The following INPP4A variants were observed in gnomAD, a reference collection of about 807,000 sequenced individuals.
INPP4A encodes inositol polyphosphate-4-phosphatase, type I, 107kD.
A neutral mutation model predicts 119.8 loss-of-function variants in INPP4A; 33 were observed. The ratio of observed to expected loss-of-function variants is 0.28; its 90% confidence interval spans 0.21 to 0.37. The LOEUF (loss-of-function observed/expected upper bound fraction) is 0.37, where lower values mean the gene tolerates loss of function less well. INPP4A is among the 10% of genes least tolerant of loss of function. INPP4A has a pLI of 1.00. For synonymous variants in INPP4A, 496 were observed against 500.7 expected (o/e 0.99, Z 0.12); for missense variants, 956 against 1,289.9 (o/e 0.74, Z 3.97).
At chr2:98,540,038 TCTC>T (rs1691119428) in intron 10 of INPP4A, among the ~76,000 whole-genome samples, 1 of 152,112 alleles carries the variant, frequency 6.6e-6, no homozygotes, top group African/African-American at 2.4e-5. Context: ...TTCAAGTAAT[TCTC>T]CTGCCTCAGC....
rs749971636 is a variant in INPP4A at position 98,588,792 on chromosome 2, G to A, written c.*1184G>A. On this transcript the variant is annotated 3_prime_UTR_variant, in exon 25 of 25. Transcript: ENST00000409851. ...ACATAGCAGAGTTTGTTTCTTAGGA[G>A]TTTATATGTTTTATTGATTCTGTTT... The A allele has an allele frequency of 2.3e-5, 5 of 221,404 alleles. No homozygotes were observed. The highest frequency in any genetic ancestry group is 4.5e-5 in the Non-Finnish European group (5 of 110,822). 13.7% of individuals were successfully genotyped at this position (221,404 alleles called of 1,614,324 possible).
At chr2:98,467,111 C>T (rs909241395) in intron 1 of INPP4A, among the ~76,000 whole-genome samples, 8 of 152,010 alleles carry the variant, frequency 5.3e-5, no homozygotes, top group South Asian at 2.1e-4. Flanking sequence ...GCTCACATGG[C>T]GAGAGAGGAA....
Position 98,544,054 on chromosome 2 carries a change from C to T in INPP4A, c.949+47C>T, listed in dbSNP as rs760780400. 972 of 1,505,214 alleles carry T rather than the reference C, an allele frequency of 6.5e-4. 3 individuals are homozygous for T. Among genetic ancestry groups the T allele is most frequent in the Admixed American group, 4.4e-3 (222 of 50,426 alleles). The allele number at this position is 1,505,214 out of a possible 1,614,324, so 93.2% of individuals were successfully genotyped here. On this transcript the variant is annotated intron_variant, in intron 11 of 24. Coordinates refer to ENST00000409851, the MANE Select transcript of INPP4A (RefSeq NM_001134225.2). ...CACCACACACGCGTGCGCACACACA[C>T]ACACACACACTCTCACTCTCACTCA...
At chr2:98,556,689 A>G (rs939103161) in intron 16 of INPP4A, among the ~76,000 whole-genome samples, 1 of 152,204 alleles carries the variant, frequency 6.6e-6, no homozygotes, top group Non-Finnish European at 1.5e-5. Flanking sequence ...GGGCTTTTAA[A>G]TTCTGAATTG....
intron 1 of INPP4A, among the ~76,000 whole-genome samples, chr2:98,445,699 G>A (rs1365469569): frequency 2.6e-5 from 4 of 152,184 alleles, no homozygotes; most frequent in African/African-American, 9.7e-5. Flanking sequence ...AAATGTCAGA[G>A]GTAAATTTGT....
rs571358585 is a variant in INPP4A, at chr2:98,555,698, C to G, written c.1712C>G (p.Pro571Arg). 1.2e-6 allele frequency: 2 copies of G among 1,613,306 alleles called. No homozygotes were observed. The highest frequency in any genetic ancestry group is 2.2e-5 in the East Asian group (1 of 44,862). ...AGSCTSKKGN[P>R]DSHAYWIRPE... is the part of the protein sequence containing the mutation. ...AGCTGCACCAGCAAGAAAGGTAACC[C>G]GGACAGCCACGCCTACTGGATCAGA... Residue 571 changes from proline to arginine, a missense_variant, in exon 16 of 25, where the codon CCG (proline) becomes CGG (arginine). By Grantham distance (103) the Pro-to-Arg change is moderately radical. Transcript: ENST00000409851.
intron 1 of INPP4A, among the ~76,000 whole-genome samples, chr2:98,454,953 G>A (rs781222354): frequency 3.0e-4 from 45 of 152,154 alleles, no homozygotes; most frequent in Non-Finnish European, 1.0e-4. Flanking sequence ...AATGTTAAAT[G>A]ATCACATTAC....
chr2:98,535,904 G>A (rs918670137), intron 6 of INPP4A, 59 bp downstream of exon 6: 26 of 861,176 alleles, frequency 3.0e-5, no homozygotes, highest in African/African-American at 2.5e-4. Flanking sequence ...TTATATAATC[G>A]TTTGAATGAG....
intron 1 of INPP4A, among the ~76,000 whole-genome samples, chr2:98,502,665 G>A (rs1356977238): frequency 2.0e-5 from 3 of 152,078 alleles, no homozygotes; most frequent in African/African-American, 4.8e-5. Flanking sequence ...ATTCCTACTC[G>A]TTAGCATTTT....
At chr2:98,515,727 T>A (rs915300924) in intron 1 of INPP4A, among the ~76,000 whole-genome samples, 1 of 152,204 alleles carries the variant, frequency 6.6e-6, no homozygotes, top group Non-Finnish European at 1.5e-5. Context: ...GGACCTGCAG[T>A]ACTCCCGCTA....
chr2:98,572,765 G>C (rs1330248458), intron 22 of INPP4A, 50 bp from the exon 23 acceptor site: 6 of 1,350,008 alleles, frequency 4.4e-6, no homozygotes, highest in Non-Finnish European at 6.1e-6. Context: ...CTCTGCCGGG[G>C]GAGTTCCTGG....
At chr2:98,500,074 T>G (rs1022063445) in intron 1 of INPP4A, among the ~76,000 whole-genome samples, 3 of 152,208 alleles carry the variant, frequency 2.0e-5, no homozygotes, top group African/African-American at 7.2e-5. Flanking sequence ...GAATGTGTCA[T>G]TTAATCCTAA....
At chr2:98,576,635 C>T (rs892935401) in intron 23 of INPP4A, among the ~76,000 whole-genome samples, 1 of 152,178 alleles carries the variant, frequency 6.6e-6, no homozygotes, top group African/African-American at 2.4e-5. Context: ...GAGGGATCAG[C>T]AGTGAAGGGC....
chr2:98,557,777 A>G (rs2106261441), intron 16 of INPP4A, among the ~76,000 whole-genome samples: 1 of 152,358 alleles, frequency 6.6e-6, no homozygotes. Flanking sequence ...ACCCACTGAC[A>G]AGTCCCTGCC....
chr2:98,554,317 C>T lies in INPP4A; in HGVS notation c.1394C>T (p.Ser465Phe). The change falls in exon 15 of 25, where the codon TCC (serine) becomes TTC (phenylalanine). Residue 465 changes from serine to phenylalanine, a missense_variant. Physicochemically the swap from Ser to Phe is radical, Grantham distance 155. Around this residue, in one of 2 missense-constraint regions of INPP4A, gnomAD observed 652 missense variants for 797.9 expected, o/e 0.82. Transcript: ENST00000409851. This position sits in a 1 kb window ranked among gnomAD's most constrained non-coding sequence, Gnocchi z 4.7. ...TGCGACTGCAAGCTCCTGGCCAACT[C>T]CATCCATGGGCTGAACGCTGCACGG... is the stretch of plus-strand genomic sequence containing the variant. ...TVCDCKLLAN[S>F]IHGLNAARPD... 6.2e-7 allele frequency: 1 copy of T among 1,612,376 alleles called. No homozygotes were observed. The highest frequency in any genetic ancestry group is 1.1e-5 in the South Asian group (1 of 90,566).
intron 1 of INPP4A, among the ~76,000 whole-genome samples, chr2:98,485,199 G>A (rs1679294187): frequency 6.6e-6 from 1 of 152,202 alleles, no homozygotes; most frequent in Admixed American, 6.5e-5. Context: ...GCCCGTGGCT[G>A]CTGAAGAGCT....
intron 1 of INPP4A, among the ~76,000 whole-genome samples, chr2:98,495,717 T>A (rs4850878): frequency 0.24 from 36,951 of 152,044 alleles, 4,637 homozygotes; most frequent in Middle Eastern, 0.35. Flanking sequence ...ATAGAAGGGA[T>A]TGTTTGGGTT....
At chr2:98,535,581 G>A in intron 5 of INPP4A, 148 bp from the exon 6 acceptor site, 1 of 580,058 alleles carries the variant, frequency 1.7e-6, no homozygotes, top group South Asian at 2.2e-5. Flanking sequence ...TTTGTTTTAT[G>A]TATTTATTTA....
intron 17 of INPP4A, among the ~76,000 whole-genome samples, chr2:98,563,162 G>A (rs1342046907): frequency 2.0e-5 from 3 of 152,168 alleles, no homozygotes; most frequent in Non-Finnish European, 4.4e-5. Flanking sequence ...AAGCTTCTTT[G>A]TTGTTTTCCT....
Sources: gnomAD v4.1 joint callset for allele counts (sites outside exome capture counted in the v4.1 genomes callset) on GRCh38, gnomAD v4.1.1 for gene constraint, gnomAD v4.1.1 regional missense constraint, Gnocchi (gnomAD v3.1) non-coding constraint, MANE v1.5 for transcripts, NCBI Gene and HGNC (gene_info 2026-07-23, HGNC 2026-07-21) for gene names.